The following HIBADH variants were observed in gnomAD, a reference collection of about 807,000 sequenced individuals.
The protein encoded by HIBADH is 3-hydroxyisobutyrate dehydrogenase.
A neutral mutation model predicts 36.1 loss-of-function variants in HIBADH; 25 were observed. The observed-to-expected ratio is 0.69, with a 90% confidence interval of 0.50 to 0.97. HIBADH has a LOEUF of 0.97. Among genes scored for constraint, HIBADH ranks in the 50% least tolerant of loss-of-function variants. The pLI is 0.00. For synonymous variants in HIBADH, 160 were observed against 149.5 expected (o/e 1.07, Z -0.51); for missense variants, 421 against 418.0 (o/e 1.01, Z -0.06).
At chr7:27,657,693 G>A (rs1786332443) in intron 1 of HIBADH, among the ~76,000 whole-genome samples, 1 of 152,098 alleles carries the variant, frequency 6.6e-6, no homozygotes, top group Non-Finnish European at 1.5e-5. Flanking sequence ...ATAATTAGAT[G>A]ACCTGATGTC....
chr7:27,573,197 C>T (rs928475987), intron 4 of HIBADH, among the ~76,000 whole-genome samples: 8 of 152,212 alleles, frequency 5.3e-5, no homozygotes, highest in Non-Finnish European at 8.8e-5. Flanking sequence ...AATCTTCAAA[C>T]ATGCCATGCC....
intron 7 of HIBADH, among the ~76,000 whole-genome samples, chr7:27,528,334 A>ATGAT (rs1360808044): frequency 6.6e-6 from 1 of 152,202 alleles, no homozygotes; most frequent in Non-Finnish European, 1.5e-5. Flanking sequence ...AAAGCTAGAA[A>ATGAT]TGATTAAGCT....
At chr7:27,613,142 ATATAT>A (rs1484166831) in intron 4 of HIBADH, among the ~76,000 whole-genome samples, 1 of 114,574 alleles carries the variant, frequency 8.7e-6, no homozygotes, top group Non-Finnish European at 1.8e-5. Flanking sequence ...ATTTATATAA[ATATAT>A]TTTATATAAA....
intron 4 of HIBADH, among the ~76,000 whole-genome samples, chr7:27,564,874 A>G (rs569699000): frequency 2.6e-5 from 4 of 152,196 alleles, no homozygotes; most frequent in Non-Finnish European, 5.9e-5. Context: ...AGTTTTTGAA[A>G]CAAATGTAAA....
chr7:27,647,728 T>A, intron 2 of HIBADH: 1 of 409,814 alleles, frequency 2.4e-6, no homozygotes, highest in Admixed American at 3.0e-5. Context: ...GAGGTAAGCC[T>A]GGTAACTTCA....
intron 1 of HIBADH, among the ~76,000 whole-genome samples, chr7:27,651,884 G>A (rs1015059784): frequency 1.3e-5 from 2 of 152,142 alleles, no homozygotes; most frequent in Non-Finnish European, 2.9e-5. Flanking sequence ...TCATGGTGTG[G>A]GAACTTGAGG....
chr7:27,622,296 G>T (rs1356741179), intron 4 of HIBADH, among the ~76,000 whole-genome samples: 2 of 151,918 alleles, frequency 1.3e-5, no homozygotes, highest in African/African-American at 4.8e-5. Context: ...AAATTTATTG[G>T]AACAAATGAA....
chr7:27,646,295 A>G (rs915224618), intron 2 of HIBADH, among the ~76,000 whole-genome samples: 1 of 152,196 alleles, frequency 6.6e-6, no homozygotes, highest in African/African-American at 2.4e-5. Context: ...CAGAATCATC[A>G]ACACAGATGT....
intron 4 of HIBADH, among the ~76,000 whole-genome samples, chr7:27,596,464 T>G (rs1238494097): frequency 6.6e-6 from 1 of 152,208 alleles, no homozygotes; most frequent in Admixed American, 6.5e-5. Context: ...GTAAAAACTT[T>G]GATGAAAAGA....
chr7:27,565,980 G>A (rs1271092702), intron 4 of HIBADH, among the ~76,000 whole-genome samples: 1 of 152,038 alleles, frequency 6.6e-6, no homozygotes, highest in Non-Finnish European at 1.5e-5. Context: ...ATATTACAAA[G>A]ACTGATTTCA....
chr7:27,579,053 A>G (rs1282672024), intron 4 of HIBADH, among the ~76,000 whole-genome samples: 1 of 152,230 alleles, frequency 6.6e-6, no homozygotes, highest in African/African-American at 2.4e-5. Flanking sequence ...GATTAAAGAA[A>G]GATGAAGAAA....
At chr7:27,646,267 TAAC>T (rs1171060289) in intron 2 of HIBADH, among the ~76,000 whole-genome samples, 1 of 152,178 alleles carries the variant, frequency 6.6e-6, no homozygotes, top group African/African-American at 2.4e-5. Flanking sequence ...ATAAATAGGT[TAAC>T]AGGTAGCTAC....
At chr7:27,570,238 GGAGA>G (rs1784609392) in intron 4 of HIBADH, among the ~76,000 whole-genome samples, 1 of 152,158 alleles carries the variant, frequency 6.6e-6, no homozygotes, top group Admixed American at 6.5e-5. Context: ...ACATTCAGTA[GGAGA>G]GAAAGGACAG....
intron 4 of HIBADH, among the ~76,000 whole-genome samples, chr7:27,619,179 G>A (rs1405741107): frequency 6.6e-6 from 1 of 152,020 alleles, no homozygotes; most frequent in Non-Finnish European, 1.5e-5. Context: ...ACCCTCCAAG[G>A]AAATAACAGA....
intron 1 of HIBADH, among the ~76,000 whole-genome samples, chr7:27,656,395 A>C (rs1306798457): frequency 3.3e-5 from 5 of 152,216 alleles, no homozygotes; most frequent in Non-Finnish European, 5.9e-5. Flanking sequence ...CACTTAATTC[A>C]TAACTAAATG....
intron 2 of HIBADH, among the ~76,000 whole-genome samples, chr7:27,643,870 T>C (rs1199834736): frequency 6.6e-6 from 1 of 152,238 alleles, no homozygotes; most frequent in Non-Finnish European, 1.5e-5. Flanking sequence ...CATCTTCATA[T>C]GGCCTTCCCC....
At chr7:27,541,026 T>A (rs2098315) in intron 5 of HIBADH, among the ~76,000 whole-genome samples, 115,385 of 151,994 alleles carry the variant, frequency 0.76, 44,304 homozygotes, top group East Asian at 0.94. Flanking sequence ...AGTCCTGATT[T>A]TCAACCCAAC....
chr7:27,603,349 G>T (rs1785164660), intron 4 of HIBADH, among the ~76,000 whole-genome samples: 1 of 152,042 alleles, frequency 6.6e-6, no homozygotes, highest in Non-Finnish European at 1.5e-5. Flanking sequence ...AAACAAAAAT[G>T]TTACTTTGCA....
chr7:27,619,121 A>G (rs1213137236), intron 4 of HIBADH, among the ~76,000 whole-genome samples: 1 of 152,184 alleles, frequency 6.6e-6, no homozygotes, highest in Admixed American at 6.5e-5. Flanking sequence ...CTGGCTTCCC[A>G]GTCCACACCA....
Sources: allele counts gnomAD v4.1 joint callset (sites outside exome capture counted in the v4.1 genomes callset), GRCh38; gene constraint gnomAD v4.1.1; transcripts MANE v1.5; gene names NCBI Gene and HGNC (gene_info 2026-07-23, HGNC 2026-07-21).